Variants in DCTN6 observed in about 807,000 individuals in gnomAD.
DCTN6 encodes dynactin 6.
DCTN6 carries 15 observed loss-of-function variants against 25.8 expected under a neutral mutation model. The ratio of observed to expected loss-of-function variants is 0.58; its 90% confidence interval spans 0.39 to 0.89. The LOEUF (loss-of-function observed/expected upper bound fraction) is 0.89. Among genes scored for constraint, DCTN6 ranks in the 40% least tolerant of loss-of-function variants. DCTN6 has a pLI of 0.00. For synonymous variants in DCTN6, 64 were observed against 78.3 expected (o/e 0.82, Z 0.96); for missense variants, 198 against 237.6 (o/e 0.83, Z 1.09).
intron 2 of DCTN6, among the ~76,000 whole-genome samples, chr8:30,170,636 GGTT>G (rs1307517810): frequency 6.6e-6 from 1 of 151,846 alleles, no homozygotes; most frequent in African/African-American, 2.4e-5. Context: ...TGGGACTTGG[GGTT>G]GTTTTAATTT....
intron 6 of DCTN6, 79 bp from the exon 7 acceptor site, chr8:30,182,996 G>T: frequency 1.7e-6 from 2 of 1,198,738 alleles, no homozygotes; most frequent in South Asian, 2.5e-5. Context: ...TTACAGGCAT[G>T]ACCCACCACG....
At chr8:30,175,015 A>T in intron 2 of DCTN6, 70 bp from the exon 3 acceptor site, 1 of 1,452,806 alleles carries the variant, frequency 6.9e-7, no homozygotes, top group Non-Finnish European at 9.5e-7. Context: ...ACCCATCCTC[A>T]GTCACCTTCC....
At chr8:30,180,843 G>A (rs961683187) in intron 6 of DCTN6, 3 of 590,746 alleles carry the variant, frequency 5.1e-6, no homozygotes, top group Admixed American at 3.2e-5. Context: ...AGCAGCCTGG[G>A]CAACATAGTG....
chr8:30,162,789 G>A (rs961580305), intron 1 of DCTN6, among the ~76,000 whole-genome samples: 5 of 152,104 alleles, frequency 3.3e-5, no homozygotes, highest in Non-Finnish European at 7.4e-5. Flanking sequence ...TCATATATGT[G>A]TATGTATATA....
At chr8:30,179,751 G>T (rs920908047) in intron 5 of DCTN6, among the ~76,000 whole-genome samples, 1 of 152,178 alleles carries the variant, frequency 6.6e-6, no homozygotes, top group Non-Finnish European at 1.5e-5. Context: ...ATTTTAGTTG[G>T]TTAGTGTTGT....
rs570318582 is a variant in DCTN6, at chr8:30,164,317, G to GT, written c.88+145dup. ...CAAAATAATGCATTTTCTCCTATGT[G>GT]TTTAAATTTCTGAAAGAATGTAGTG... On this transcript the variant is annotated intron_variant, in intron 2 of 6. Coordinates refer to ENST00000221114, the MANE Select transcript of DCTN6 (RefSeq NM_006571.4). 1.1e-3 allele frequency: 755 copies of GT among 695,602 alleles called. 4 individuals carry two copies. Among genetic ancestry groups the GT allele is most frequent in the Non-Finnish European group, 1.5e-4 (62 of 407,668 alleles). The allele number at this position is 695,602 out of a possible 1,614,324, so 43.1% of individuals were successfully genotyped here. A position where few individuals can be genotyped will look rare whatever the true frequency, so the allele number is the denominator to read the frequency against.
At chr8:30,159,865 G>A (rs1461190154) in intron 1 of DCTN6, among the ~76,000 whole-genome samples, 2 of 151,526 alleles carry the variant, frequency 1.3e-5, no homozygotes, top group African/African-American at 2.4e-5. Context: ...GGGCTCAAGC[G>A]ATCCTCCCGC....
At chr8:30,165,455 A>C (rs67130529) in intron 2 of DCTN6, among the ~76,000 whole-genome samples, 13,314 of 150,434 alleles carry the variant, frequency 0.089, 870 homozygotes, top group African/African-American at 0.17. Flanking sequence ...AAAAAAAAAA[A>C]CCCTGTAACG....
intron 2 of DCTN6, among the ~76,000 whole-genome samples, chr8:30,168,234 G>A (rs1037228463): frequency 3.3e-5 from 5 of 152,140 alleles, no homozygotes; most frequent in African/African-American, 9.7e-5. Flanking sequence ...TCTCATTTTT[G>A]TTATGTATGT....
At chr8:30,171,961 A>T (rs1222048928) in intron 2 of DCTN6, among the ~76,000 whole-genome samples, 1 of 152,030 alleles carries the variant, frequency 6.6e-6, no homozygotes, top group Non-Finnish European at 1.5e-5. Flanking sequence ...CGGTGTCTAG[A>T]CTCTCTAGAC....
Position 30,177,159 on chromosome 8 carries a change from TCCA to T in DCTN6, c.229_231del (p.Pro77del). 1 of 1,613,794 alleles carries T rather than the reference TCCA, an allele frequency of 6.2e-7. No homozygotes were observed. Among genetic ancestry groups the T allele is most frequent in the Non-Finnish European group, 8.5e-7 (1 of 1,179,842 alleles). ...ATAATATCACTCCTGACACTGAAGA[TCCA>T]GAACCAAAACCTATGATCATTGGCA... is the stretch of plus-strand genomic sequence containing the variant. On this transcript the variant is annotated inframe_deletion, in exon 4 of 7. Transcript: ENST00000221114.
intron 2 of DCTN6, among the ~76,000 whole-genome samples, chr8:30,167,581 A>G (rs1471996685): frequency 2.0e-5 from 3 of 152,096 alleles, no homozygotes; most frequent in African/African-American, 7.2e-5. Context: ...TTGGCCTACT[A>G]AAGTGCTGGG....
rs1257196186 is a variant in DCTN6, at chr8:30,180,745, A to G, written c.474+115A>G. On this transcript the variant is annotated intron_variant, in intron 6 of 6. Coordinates refer to ENST00000221114, the MANE Select transcript of DCTN6 (RefSeq NM_006571.4). The stretch of plus-strand genomic sequence containing the variant: ...TTAAGAACATAATTAAAATAAAACA[A>G]AAGATGCCAGTCTCAGTGACTCGTG... 6.1e-5 allele frequency: 78 copies of G among 1,273,772 alleles called. 2 individuals carry two copies. In the Admixed American group the frequency reaches 1.1e-3, roughly 17 times the overall value. 78.9% of individuals were successfully genotyped at this position (1,273,772 alleles called of 1,614,324 possible).
In DCTN6 at chr8:30,175,193, A is replaced by G. The variant is rs1307395134; in HGVS notation, c.194+3A>G. ...GAACAGGCCCTTATCATAAATGCGT[A>G]AGACTCTTATACATACTGTGAACCA... On this transcript the variant is annotated splice_donor_region_variant and intron_variant, in intron 3 of 6. Transcript: ENST00000221114. 2 of 1,611,780 alleles carry G rather than the reference A, an allele frequency of 1.2e-6. No homozygotes were observed. The highest frequency in any genetic ancestry group is 8.5e-7 in the Non-Finnish European group (1 of 1,178,132).
At chr8:30,179,202 G>A (rs1024175283) in intron 4 of DCTN6, among the ~76,000 whole-genome samples, 12 of 152,046 alleles carry the variant, frequency 7.9e-5, no homozygotes, top group African/African-American at 2.9e-4. Flanking sequence ...AAAAACACAA[G>A]TCATTTATTT....
At chr8:30,157,502 A>G (rs73242309) in intron 1 of DCTN6, among the ~76,000 whole-genome samples, 4 of 152,344 alleles carry the variant, frequency 2.6e-5, no homozygotes, top group African/African-American at 4.8e-5. Flanking sequence ...GCTGGGTCCA[A>G]TGGTACTTGT....
chr8:30,183,456 G>C lies in DCTN6; in HGVS notation c.*283G>C, dbSNP rs1803936423. On this transcript the variant is annotated 3_prime_UTR_variant, in exon 7 of 7. Coordinates refer to ENST00000221114, the MANE Select transcript of DCTN6 (RefSeq NM_006571.4). ...GCCACAAATTTTAGTTATGTAAAAG[G>C]CTACCCTTGACAAGAAAAGACATAC... The C allele has an allele frequency of 4.1e-6, 1 of 242,050 alleles. No individual in the cohort carries two copies. The highest frequency in any genetic ancestry group is 7.9e-6 in the Non-Finnish European group (1 of 125,940). 15.0% of individuals were successfully genotyped at this position (242,050 alleles called of 1,614,324 possible).
chr8:30,159,660 C>A (rs561057369), intron 1 of DCTN6, among the ~76,000 whole-genome samples: 1 of 152,190 alleles, frequency 6.6e-6, no homozygotes, highest in East Asian at 1.9e-4. Context: ...TAAAATCTAC[C>A]CCTCCTCCCA....
chr8:30,167,619 C>T (rs371546787), intron 2 of DCTN6, among the ~76,000 whole-genome samples: 4 of 152,140 alleles, frequency 2.6e-5, no homozygotes, highest in Admixed American at 6.5e-5. Flanking sequence ...TTGCTCTTGG[C>T]CCTTCAGCTA....
Sources: allele counts gnomAD v4.1 joint callset (sites outside exome capture counted in the v4.1 genomes callset), GRCh38; gene constraint gnomAD v4.1.1; transcripts MANE v1.5; gene names NCBI Gene and HGNC (gene_info 2026-07-23, HGNC 2026-07-21).